The following DLG2 variants were observed in gnomAD, a reference collection of about 807,000 sequenced individuals.
The protein encoded by DLG2 is discs large MAGUK scaffold protein 2, also known as disks large homolog 2.
A neutral mutation model predicts 132.5 loss-of-function variants in DLG2; 45 were observed. That is an observed-to-expected ratio of 0.34 (90% CI 0.27 to 0.44). The LOEUF (loss-of-function observed/expected upper bound fraction) is 0.44. Ranked by LOEUF, DLG2 falls within the 20% of genes least tolerant of loss-of-function variation. DLG2 has a pLI of 1.00. For missense variants in DLG2, 1,045 were observed against 1,196.9 expected, an observed-to-expected ratio of 0.87 and a Z score of 1.87; for synonymous variants, 424 against 419.6, an observed-to-expected ratio of 1.01 and a Z score of -0.13.
At chr11:84,865,644 G>T (rs1332137455) in intron 6 of DLG2, among the ~76,000 whole-genome samples, 3 of 152,094 alleles carry the variant, frequency 2.0e-5, no homozygotes. Flanking sequence ...TTTTAAGTTA[G>T]CCCACACTGC....
intron 6 of DLG2, among the ~76,000 whole-genome samples, chr11:85,066,011 C>A (rs764061514): frequency 2.7e-4 from 41 of 151,350 alleles, no homozygotes; most frequent in Non-Finnish European, 5.0e-4. Flanking sequence ...CAACTTTTCA[C>A]AAAATGAAAA....
chr11:85,593,442 TG>T (rs1320056456), intron 3 of DLG2, among the ~76,000 whole-genome samples: 1 of 152,204 alleles, frequency 6.6e-6, no homozygotes, highest in Non-Finnish European at 1.5e-5. Context: ...ACCAAGAATT[TG>T]CAATTCTAAC....
At chr11:84,654,871 T>C (rs1245714277) in intron 6 of DLG2, among the ~76,000 whole-genome samples, 1 of 152,166 alleles carries the variant, frequency 6.6e-6, no homozygotes, top group Non-Finnish European at 1.5e-5. Flanking sequence ...TTCAGCAGAC[T>C]TCTTACCACT....
chr11:84,251,422 T>C (rs570820780), intron 7 of DLG2, 131 bp from the exon 8 acceptor site: 1 of 573,898 alleles, frequency 1.7e-6, no homozygotes, highest in South Asian at 2.9e-5. Context: ...GTGTCAAGTG[T>C]TAGTAGGGTA....
intron 18 of DLG2, among the ~76,000 whole-genome samples, chr11:83,702,927 G>C (rs533650932): frequency 2.0e-5 from 3 of 152,226 alleles, no homozygotes; most frequent in Admixed American, 2.0e-4. Context: ...AATATACTCT[G>C]ATGGTAAGGA....
At chr11:85,363,418 C>G (rs1368723384) in intron 3 of DLG2, among the ~76,000 whole-genome samples, 1 of 152,198 alleles carries the variant, frequency 6.6e-6, no homozygotes, top group East Asian at 1.9e-4. Flanking sequence ...AAACAAGTCT[C>G]TAAAATTTAC....
intron 7 of DLG2, among the ~76,000 whole-genome samples, chr11:84,516,605 C>T (rs1455282022): frequency 6.6e-6 from 1 of 151,336 alleles, no homozygotes; most frequent in Non-Finnish European, 1.5e-5. Flanking sequence ...AATCTGATGC[C>T]TTTAGTGTCT....
chr11:85,472,135 C>A lies in DLG2; in HGVS notation c.40+126522G>T, dbSNP rs563548224. 4.1e-4 allele frequency among the ~76,000 whole-genome samples: 63 copies of A among 152,158 alleles called. 1 individual carries two copies. The South Asian group carries it at 0.012, about 30-fold the overall frequency. ...GACCAGGGTGAGAATTTCCTTGATG[C>A]CTTTTAGCCAATCAAGTGATGCTTT... On this transcript the variant is annotated intron_variant, in intron 3 of 27. Coordinates refer to ENST00000376104, the MANE Select transcript of DLG2 (RefSeq NM_001142699.3).
chr11:85,159,864 T>A (rs2077890931), intron 4 of DLG2, among the ~76,000 whole-genome samples: 1 of 152,194 alleles, frequency 6.6e-6, no homozygotes, highest in African/African-American at 2.4e-5. Context: ...ACTTGATAGC[T>A]TTTTGCTTCC....
At chr11:85,280,522 A>G (rs2152751404) in intron 4 of DLG2, among the ~76,000 whole-genome samples, 1 of 152,224 alleles carries the variant, frequency 6.6e-6, no homozygotes, top group East Asian at 1.9e-4. Flanking sequence ...ACTGTTAGTA[A>G]TATAAACTTA....
At chr11:84,691,719 G>A (rs998781849) in intron 6 of DLG2, among the ~76,000 whole-genome samples, 1 of 151,180 alleles carries the variant, frequency 6.6e-6, no homozygotes, top group African/African-American at 2.4e-5. Context: ...GTATATACGT[G>A]TTACTTTTAG....
chr11:84,242,695 C>T (rs762933971), intron 8 of DLG2, among the ~76,000 whole-genome samples: 27 of 152,178 alleles, frequency 1.8e-4, no homozygotes, highest in Non-Finnish European at 2.4e-4. Flanking sequence ...CGTGAGCCAC[C>T]GCACCTGGCC....
intron 3 of DLG2, among the ~76,000 whole-genome samples, chr11:85,595,011 G>A (rs1257830485): frequency 2.1e-5 from 3 of 145,176 alleles, no homozygotes; most frequent in African/African-American, 7.8e-5. Flanking sequence ...GTTGCAGTGA[G>A]CCGATATCGC....
At chr11:83,651,023 C>T (rs1039930430) in intron 18 of DLG2, among the ~76,000 whole-genome samples, 1 of 151,930 alleles carries the variant, frequency 6.6e-6, no homozygotes, top group Non-Finnish European at 1.5e-5. Context: ...TACTCTATAC[C>T]TCATATATAT....
chr11:84,502,166 C>CTCTCTCTT lies in DLG2; in HGVS notation c.519+32403_519+32404insAAGAGAGA, dbSNP rs1555630685. On this transcript the variant is annotated intron_variant, in intron 7 of 27. Transcript: ENST00000376104. ...CTTTCCTTCCTTCCTTCCTTTCTCT[C>CTCTCTCTT]TCTCTCTCTTTCTCTCTCTTTCTCT... Among the ~76,000 whole-genome samples, 18 of 50,478 alleles carry CTCTCTCTT rather than the reference C, an allele frequency of 3.6e-4. 1 individual carries two copies. Among genetic ancestry groups the CTCTCTCTT allele is most frequent in the African/African-American group, 2.6e-3 (16 of 6,156 alleles). The allele number at this position is 50,478 out of a possible 152,430, so 33.1% of individuals were successfully genotyped here.
At chr11:83,475,712 TC>T (rs2092547981) in intron 22 of DLG2, among the ~76,000 whole-genome samples, 2 of 134,550 alleles carry the variant, frequency 1.5e-5, no homozygotes, top group Non-Finnish European at 3.4e-5. Context: ...TTTTCTCTCT[TC>T]TTTTTTTCTT....
chr11:84,212,941 A>G (rs1315586973), intron 8 of DLG2, among the ~76,000 whole-genome samples: 2 of 152,058 alleles, frequency 1.3e-5, no homozygotes, highest in African/African-American at 4.8e-5. Flanking sequence ...TACAGGCGTG[A>G]GCCGCGGCGC....
chr11:85,298,805 T>G (rs973126674), intron 3 of DLG2, among the ~76,000 whole-genome samples: 1 of 152,096 alleles, frequency 6.6e-6, no homozygotes, highest in East Asian at 1.9e-4. Flanking sequence ...AACAGATTGC[T>G]CTTGTTCCCA....
chr11:85,425,461 C>T (rs1199451087), intron 3 of DLG2, among the ~76,000 whole-genome samples: 2 of 151,592 alleles, frequency 1.3e-5, no homozygotes, highest in African/African-American at 4.9e-5. Context: ...TATTTATACC[C>T]AATGTTTTTG....
Sources: gnomAD v4.1 joint callset for allele counts (sites outside exome capture counted in the v4.1 genomes callset) on GRCh38, gnomAD v4.1.1 for gene constraint, MANE v1.5 for transcripts, NCBI Gene and HGNC (gene_info 2026-07-23, HGNC 2026-07-21) for gene names.